Variants in GPALPP1 observed in about 807,000 individuals in gnomAD.
GPALPP1 encodes GPALPP motifs-containing protein 1.
Under a neutral mutation model 38.9 loss-of-function variants are expected in GPALPP1, and 30 were observed. The observed-to-expected ratio is 0.77, with a 90% confidence interval of 0.58 to 1.05. GPALPP1 has a LOEUF of 1.05. GPALPP1 is among the 50% of genes least tolerant of loss of function. The probability of loss-of-function intolerance (pLI) is 0.00; values close to 1 mark genes in which losing one functional copy is unlikely to be tolerated. For missense variants in GPALPP1, 384 were observed against 408.8 expected, an observed-to-expected ratio of 0.94 and a Z score of 0.52; for synonymous variants, 120 against 139.2, an observed-to-expected ratio of 0.86 and a Z score of 0.97.
chr13:45,001,119 CATG>C (rs1873644686), intron 1 of GPALPP1, among the ~76,000 whole-genome samples: 2 of 152,150 alleles, frequency 1.3e-5, no homozygotes, highest in African/African-American at 2.4e-5. Context: ...GTAACTGAAT[CATG>C]GTGGTGGTTA....
intron 1 of GPALPP1, among the ~76,000 whole-genome samples, chr13:45,001,031 G>C (rs576383756): frequency 1.3e-5 from 2 of 152,070 alleles, no homozygotes; most frequent in Non-Finnish European, 2.9e-5. Flanking sequence ...ATAATGTTTG[G>C]CTATGTCCCC....
chr13:45,004,552 A>T (rs899108580), intron 2 of GPALPP1, 115 bp downstream of exon 2: 1 of 637,092 alleles, frequency 1.6e-6, no homozygotes, highest in East Asian at 2.8e-5. Context: ...CACAGGGAGA[A>T]ATCATTTTGT....
At chr13:45,015,675 T>C in intron 6 of GPALPP1, 79 bp downstream of exon 6, 2 of 963,060 alleles carry the variant, frequency 2.1e-6, no homozygotes, top group Admixed American at 3.0e-5. Context: ...CAAAATTATT[T>C]AAGGGTACTA....
At chr13:45,004,828 G>T (rs1275831974) in intron 2 of GPALPP1, among the ~76,000 whole-genome samples, 1 of 151,478 alleles carries the variant, frequency 6.6e-6, no homozygotes, top group Admixed American at 6.6e-5. Context: ...AGATTTTTTG[G>T]TATTTTTTGT....
At chr13:44,997,137 T>C (rs1873353716) in intron 1 of GPALPP1, among the ~76,000 whole-genome samples, 1 of 151,820 alleles carries the variant, frequency 6.6e-6, no homozygotes, top group Non-Finnish European at 1.5e-5. Context: ...CATAATGTCC[T>C]TAAGTTTCAT....
intron 6 of GPALPP1, among the ~76,000 whole-genome samples, chr13:45,016,483 T>C (rs1007556725): frequency 2.0e-5 from 3 of 152,150 alleles, no homozygotes; most frequent in Non-Finnish European, 2.9e-5. Context: ...AAAATCTGTA[T>C]GCATAAAATA....
chr13:45,015,353 C>CA (rs1290978278), intron 5 of GPALPP1, 79 bp from the exon 6 acceptor site: 1 of 816,864 alleles, frequency 1.2e-6, no homozygotes, highest in Non-Finnish European at 1.9e-6. Flanking sequence ...TTGCATGACA[C>CA]AGTTGCTTGT....
chr13:45,035,829 C>T (rs1876387119), exon 8 of GPALPP1: 1 of 152,154 alleles, frequency 6.6e-6, no homozygotes, highest in Non-Finnish European at 1.5e-5. Flanking sequence ...TCACTTTTAA[C>T]AATTATCCCA....
At chr13:45,009,671 T>C (rs1475171912) in intron 4 of GPALPP1, among the ~76,000 whole-genome samples, 1 of 152,214 alleles carries the variant, frequency 6.6e-6, no homozygotes, top group Non-Finnish European at 1.5e-5. Flanking sequence ...TTATCTCCAC[T>C]AAGAATTCAA....
downstream of GPALPP1, chr13:45,033,389 C>T (rs1056581773): frequency 4.6e-5 from 7 of 151,580 alleles, no homozygotes; most frequent in African/African-American, 1.5e-4. Context: ...GCTTTTGATG[C>T]CATCATGAGA....
intron 1 of GPALPP1, among the ~76,000 whole-genome samples, chr13:44,992,857 A>G (rs1374806173): frequency 2.0e-5 from 3 of 152,212 alleles, no homozygotes; most frequent in African/African-American, 7.2e-5. Context: ...AGGTACAGTC[A>G]CATTGTTGTG....
intron 7 of GPALPP1, among the ~76,000 whole-genome samples, chr13:45,023,390 A>G (rs941499300): frequency 6.6e-5 from 10 of 152,230 alleles, no homozygotes; most frequent in Non-Finnish European, 1.3e-4. Flanking sequence ...GATTGATTGT[A>G]TAATAATAGT....
At chr13:45,002,613 T>A (rs891035150) in intron 1 of GPALPP1, among the ~76,000 whole-genome samples, 2 of 152,230 alleles carry the variant, frequency 1.3e-5, no homozygotes, top group African/African-American at 2.4e-5. Context: ...GTTGAAACTA[T>A]TATTAACCTC....
intron 7 of GPALPP1, among the ~76,000 whole-genome samples, chr13:45,022,443 A>C (rs1875497607): frequency 6.6e-6 from 1 of 152,004 alleles, no homozygotes; most frequent in Non-Finnish European, 1.5e-5. Context: ...TATATAAAAA[A>C]ACAAATATTG....
chr13:45,012,347 T>A (rs1381313917), intron 4 of GPALPP1, among the ~76,000 whole-genome samples: 1 of 152,062 alleles, frequency 6.6e-6, no homozygotes, highest in Non-Finnish European at 1.5e-5. Context: ...TGAAAAAAAG[T>A]GTGTGTCTGT....
In GPALPP1 at chr13:45,018,996, TATATAC is replaced by T. The variant is rs1176206862; in HGVS notation, c.706-1328_706-1323del. The stretch of plus-strand genomic sequence containing the variant: ...ATATAAATATATATACATATAAATA[TATATAC>T]ATATAAATATATATACACATATAAA... On this transcript the variant is annotated intron_variant, in intron 6 of 7. Transcript: ENST00000379151. Among the ~76,000 whole-genome samples the T allele has an allele frequency of 4.7e-5, 5 of 105,378 alleles. 1 individual carries two copies. Among genetic ancestry groups the T allele is most frequent in the Admixed American group, 1.2e-4 (1 of 8,240 alleles). 69.1% of individuals were successfully genotyped at this position (105,378 alleles called of 152,430 possible). A position where few individuals can be genotyped will look rare whatever the true frequency, so the allele number is the denominator to read the frequency against.
intron 1 of GPALPP1, among the ~76,000 whole-genome samples, chr13:44,997,980 T>C (rs1028522313): frequency 2.4e-4 from 36 of 152,350 alleles, no homozygotes; most frequent in African/African-American, 8.4e-4. Context: ...CATAGGTCTG[T>C]CCAGTAATCC....
chr13:45,017,178 C>T (rs577686103), intron 6 of GPALPP1, among the ~76,000 whole-genome samples: 2 of 152,174 alleles, frequency 1.3e-5, no homozygotes, highest in Non-Finnish European at 2.9e-5. Flanking sequence ...TAGAAAGAGT[C>T]AAGAGCTCCT....
intron 1 of GPALPP1, among the ~76,000 whole-genome samples, chr13:45,003,432 C>T (rs1873832350): frequency 6.6e-6 from 1 of 152,000 alleles, no homozygotes. Context: ...ATCATGTTTC[C>T]AGGCCCTCCT....
Sources: gnomAD v4.1 joint callset for allele counts (sites outside exome capture counted in the v4.1 genomes callset) on GRCh38, gnomAD v4.1.1 for gene constraint, MANE v1.5 for transcripts, NCBI Gene and HGNC (gene_info 2026-07-23, HGNC 2026-07-21) for gene names.